Variants in FBXW10 observed in about 807,000 individuals in gnomAD.
FBXW10 encodes the protein F-box/WD repeat-containing protein 10.
FBXW10 carries 68 observed loss-of-function variants against 113.1 expected under a neutral mutation model. That is an observed-to-expected ratio of 0.60 (90% CI 0.49 to 0.74). The LOEUF is 0.74. Among genes scored for constraint, FBXW10 ranks in the 30% least tolerant of loss-of-function variants. FBXW10 has a pLI of 0.00. For synonymous variants in FBXW10, 289 were observed against 481.6 expected (o/e 0.60, Z 5.24); for missense variants, 753 against 1,284.5 (o/e 0.59, Z 6.32).
chr17:18,770,610 C>T (rs2035594528), intron 11 of FBXW10, among the ~76,000 whole-genome samples: 1 of 152,034 alleles, frequency 6.6e-6, no homozygotes, highest in Non-Finnish European at 1.5e-5. Flanking sequence ...CCTGTTTTGA[C>T]TCTTAATTCA....
chr17:18,774,778 A>G (rs2035673953), intron 12 of FBXW10, among the ~76,000 whole-genome samples: 1 of 152,246 alleles, frequency 6.6e-6, no homozygotes, highest in Non-Finnish European at 1.5e-5. Flanking sequence ...CTGGGCAACA[A>G]GAGCGAAACT....
chr17:18,768,555 G>A lies in FBXW10; in HGVS notation c.1726G>A (p.Ala576Thr). 6 of 1,614,124 alleles carry A rather than the reference G, an allele frequency of 3.7e-6. No individual in the cohort carries two copies. The East Asian group carries it at 1.3e-4, about 36-fold the overall frequency. The change falls in exon 10 of 14, where the codon GCC (alanine) becomes ACC (threonine). Residue 576 changes from alanine to threonine, a missense_variant. Coordinates refer to ENST00000395665, the MANE Select transcript of FBXW10 (RefSeq NM_001267585.2). Reference sequence around the variant, plus strand: ...GCAGACTCTCAGTGGCCATGAGGGAGCCGTGAAATGCCTGTTCTTTGACCA... The same window carrying A: ...GCAGACTCTCAGTGGCCATGAGGGAACCGTGAAATGCCTGTTCTTTGACCA... Reference protein sequence around the residue: ...LVKTLSGHEGAVKCLFFDQWH... With the variant: ...LVKTLSGHEGTVKCLFFDQWH...
intron 5 of FBXW10, among the ~76,000 whole-genome samples, chr17:18,753,895 G>A (rs1214711347): frequency 2.0e-5 from 3 of 151,602 alleles, no homozygotes; most frequent in African/African-American, 7.3e-5. Context: ...AAAAGAAAGA[G>A]AGAGAAAAGG....
intron 7 of FBXW10, among the ~76,000 whole-genome samples, chr17:18,762,460 G>A (rs1349788413): frequency 3.3e-5 from 5 of 151,368 alleles, no homozygotes; most frequent in Non-Finnish European, 5.9e-5. Flanking sequence ...TGGGACTACA[G>A]GCATGTGCCA....
rs1474153229 is a variant in FBXW10, at chr17:18,744,083, T to G, written c.-162T>G. 2.0e-5 allele frequency: 21 copies of G among 1,068,052 alleles called. No individual in the cohort carries two copies. The highest frequency in any genetic ancestry group is 2.7e-5 in the Non-Finnish European group (20 of 748,160). The allele number at this position is 1,068,052 out of a possible 1,614,324, so 66.2% of individuals were successfully genotyped here. ...TTCTGCTGGCAGTTACTGAGAGAGA[T>G]AGGCTTTCCATCCATGGCAGCCATT... On this transcript the variant is annotated 5_prime_UTR_variant, in exon 1 of 14. Transcript: ENST00000395665.
intron 10 of FBXW10, among the ~76,000 whole-genome samples, 190 bp downstream of exon 10, chr17:18,768,866 A>G (rs868729503): frequency 2.7e-5 from 4 of 150,820 alleles, no homozygotes; most frequent in Non-Finnish European, 5.9e-5. Flanking sequence ...CTGACTGTTA[A>G]CCTCTTCTAC....
chr17:18,777,646 C>A (rs1420278339), intron 13 of FBXW10, among the ~76,000 whole-genome samples: 1 of 151,430 alleles, frequency 6.6e-6, no homozygotes, highest in Non-Finnish European at 1.5e-5. Flanking sequence ...TGGGTTCATG[C>A]CATTCTCCTG....
At chr17:18,755,941 G>T in intron 5 of FBXW10, 104 bp from the exon 6 acceptor site, 1 of 1,115,776 alleles carries the variant, frequency 9.0e-7, no homozygotes, top group Non-Finnish European at 1.3e-6. Context: ...TTCAGAGGAA[G>T]AATCCGTGAG....
At chr17:18,768,401 T>G in intron 9 of FBXW10, 133 bp from the exon 10 acceptor site, 2 of 1,218,028 alleles carry the variant, frequency 1.6e-6, no homozygotes, top group Non-Finnish European at 2.3e-6. Context: ...CAGGATTAGC[T>G]CAGGTACCTA....
intron 13 of FBXW10, 94 bp downstream of exon 13, chr17:18,775,286 C>CA (rs2151833430): frequency 2.5e-6 from 2 of 796,200 alleles, no homozygotes; most frequent in East Asian, 5.0e-5. Flanking sequence ...GGAGATAAGA[C>CA]AAAAAGTCAT....
Position 18,756,132 on chromosome 17 carries a change from A to G in FBXW10, c.1210A>G (p.Asn404Asp), listed in dbSNP as rs2035258039. ...EERNVFCGTYNVRILSDTWDQ... is the reference protein window; with the variant it reads ...EERNVFCGTYDVRILSDTWDQ... ...GAGAAATGTTTTCTGTGGGACCTAC[A>G]ATGTTCGCATTCTCTCTGACACGTA... Residue 404 changes from asparagine to aspartate, a missense_variant, in exon 6 of 14, where the codon AAT (asparagine) becomes GAT (aspartate). Asn to Asp is a conservative substitution (Grantham distance 23). Coordinates refer to ENST00000395665, the MANE Select transcript of FBXW10 (RefSeq NM_001267585.2). 5 of 1,613,764 alleles carry G rather than the reference A, an allele frequency of 3.1e-6. No individual in the cohort carries two copies. Among genetic ancestry groups the G allele is most frequent in the African/African-American group, 1.3e-5 (1 of 74,888 alleles).
At position 18,747,931 on chromosome 17, in the gene FBXW10, T is replaced by G; in HGVS notation, c.506-10T>G. On this transcript the variant is annotated splice_polypyrimidine_tract_variant and intron_variant, in intron 1 of 13. Coordinates refer to ENST00000395665, the MANE Select transcript of FBXW10 (RefSeq NM_001267585.2). The stretch of plus-strand genomic sequence containing the variant: ...CAAGAGCAACCTTGTCTTGGTCTTC[T>G]GTGTTTCAGGGCTCAATCAAGACAT... The G allele has an allele frequency of 2.5e-6, 4 of 1,613,866 alleles. No homozygotes were observed. The highest frequency in any genetic ancestry group is 1.7e-5 in the Admixed American group (1 of 60,008).
Position 18,751,005 on chromosome 17 carries a change from C to G in FBXW10, c.1074C>G (p.Asp358Glu). Residue 358 changes from aspartate (D) to glutamate (E), a missense_variant, in exon 5 of 14, where the codon GAC becomes GAG. Asp to Glu is a conservative substitution (Grantham distance 45). Transcript: ENST00000395665. ...TCCCAGTTCCTAAAATGGTAGATGA[C>G]GGGAAGAGCATGCGTGTGAAACATC... ...VSIPVPKMVD[D>E]GKSMRVKHPK... The G allele has an allele frequency of 6.2e-7, 1 of 1,613,924 alleles. No homozygotes were observed. Among genetic ancestry groups the G allele is most frequent in the Non-Finnish European group, 8.5e-7 (1 of 1,179,974 alleles).
intron 13 of FBXW10, among the ~76,000 whole-genome samples, chr17:18,777,164 C>T (rs1025684257): frequency 7.3e-5 from 11 of 150,478 alleles, no homozygotes; most frequent in Non-Finnish European, 1.3e-4. Flanking sequence ...TGAGTTCAAG[C>T]GATTCTCCTG....
intron 8 of FBXW10, among the ~76,000 whole-genome samples, chr17:18,765,615 T>C (rs910598714): frequency 3.3e-5 from 5 of 152,238 alleles, no homozygotes; most frequent in African/African-American, 1.2e-4. Context: ...GTTGTTGTTA[T>C]ATTTTGTCTC....
chr17:18,775,139 T>C lies in FBXW10; in HGVS notation c.2282T>C (p.Val761Ala), dbSNP rs535675427. ...TTCTTCCTCAATCTCAATTTAGCAG[T>C]GTTAATAGAGGAACTTCAAAGTCAA... ...LLKPAKFSSAVLIEELQSQGK... is the reference protein window; with the variant it reads ...LLKPAKFSSAALIEELQSQGK... The change falls in exon 13 of 14, where the codon GTG becomes GCG. Residue 761 changes from valine to alanine, a missense_variant. By Grantham distance (64) the Val-to-Ala change is moderately conservative. Coordinates refer to ENST00000395665, the MANE Select transcript of FBXW10 (RefSeq NM_001267585.2). The C allele has an allele frequency of 3.1e-6, 5 of 1,605,838 alleles. No homozygotes were observed. The South Asian group carries it at 3.3e-5, about 11-fold the overall frequency.
intron 13 of FBXW10, among the ~76,000 whole-genome samples, chr17:18,776,926 A>G (rs552378785): frequency 6.6e-6 from 1 of 152,064 alleles, no homozygotes; most frequent in Non-Finnish European, 1.5e-5. Flanking sequence ...GAGATCCACA[A>G]TACATTATCA....
chr17:18,752,790 C>G (rs2035194149), intron 5 of FBXW10, among the ~76,000 whole-genome samples: 1 of 152,154 alleles, frequency 6.6e-6, no homozygotes, highest in African/African-American at 2.4e-5. Context: ...GTCCCTTCAC[C>G]CATTTTATAG....
intron 6 of FBXW10, among the ~76,000 whole-genome samples, chr17:18,757,538 T>G (rs2151803713): frequency 6.6e-6 from 1 of 152,242 alleles, no homozygotes; most frequent in South Asian, 2.1e-4. Flanking sequence ...CCCCAGAACT[T>G]TGGGAGGCTG....
Sources: allele counts gnomAD v4.1 joint callset (sites outside exome capture counted in the v4.1 genomes callset), GRCh38; gene constraint gnomAD v4.1.1; transcripts MANE v1.5; gene names NCBI Gene and HGNC (gene_info 2026-07-23, HGNC 2026-07-21).